The following SPIDR variants were observed in gnomAD, a reference collection of about 807,000 sequenced individuals.
SPIDR encodes the protein scaffold protein involved in DNA repair.
Under a neutral mutation model 104.6 loss-of-function variants are expected in SPIDR, and 93 were observed. The ratio of observed to expected loss-of-function variants is 0.89; its 90% confidence interval spans 0.75 to 1.06. The LOEUF is 1.06. Among genes scored for constraint, SPIDR ranks in the 50% least tolerant of loss-of-function variants. The pLI is 0.00. For missense variants in SPIDR, 1,154 were observed against 1,111.2 expected, an observed-to-expected ratio of 1.04 and a Z score of -0.55; for synonymous variants, 431 against 416.9, an observed-to-expected ratio of 1.03 and a Z score of -0.41.
In SPIDR at chr8:47,466,333, C is replaced by T. The variant is rs149578036; in HGVS notation, c.1097+25791C>T. Among the ~76,000 whole-genome samples the T allele has an allele frequency of 3.4e-3, 520 of 152,282 alleles. 7 individuals are homozygous for T. Among genetic ancestry groups the T allele is most frequent in the African/African-American group, 0.012 (483 of 41,552 alleles). On this transcript the variant is annotated intron_variant, in intron 8 of 19. Transcript: ENST00000297423. ...TCATAACAGCCATTCTGTCAGACCA[C>T]GGCACAATCAAATTAGAAATCAGGG...
At chr8:47,487,702 C>T (rs1586560786) in intron 8 of SPIDR, among the ~76,000 whole-genome samples, 1 of 152,278 alleles carries the variant, frequency 6.6e-6, no homozygotes, top group East Asian at 1.9e-4. Flanking sequence ...TTAAGAAACT[C>T]ACTCAAAACC....
intron 10 of SPIDR, among the ~76,000 whole-genome samples, chr8:47,627,683 C>T (rs1017454412): frequency 1.1e-4 from 16 of 151,972 alleles, no homozygotes; most frequent in African/African-American, 3.1e-4. Context: ...TGTGATTCCT[C>T]CCCCCTCCCT....
At chr8:47,458,328 T>TTATTTTATTA (rs2073353940) in intron 8 of SPIDR, among the ~76,000 whole-genome samples, 1 of 51,200 alleles carries the variant, frequency 2.0e-5, no homozygotes, top group African/African-American at 9.2e-5. Context: ...CCTAAGTATT[T>TTATTTTATTA]TATTTTATTT....
At chr8:47,720,310 G>A (rs2083215726) in intron 16 of SPIDR, among the ~76,000 whole-genome samples, 1 of 152,204 alleles carries the variant, frequency 6.6e-6, no homozygotes, top group Non-Finnish European at 1.5e-5. Context: ...GAAGGTTTTT[G>A]TGTGGGCATA....
At chr8:47,311,552 C>A (rs1345703031) in intron 5 of SPIDR, among the ~76,000 whole-genome samples, 1 of 152,100 alleles carries the variant, frequency 6.6e-6, no homozygotes, top group Non-Finnish European at 1.5e-5. Flanking sequence ...GTTGCAGTGG[C>A]TTATGCCTGT....
chr8:47,286,346 A>G (rs1790111726), intron 3 of SPIDR, among the ~76,000 whole-genome samples: 1 of 152,226 alleles, frequency 6.6e-6, no homozygotes, highest in Non-Finnish European at 1.5e-5. Context: ...AATGACTCAT[A>G]ACATAGAAAC....
chr8:47,348,690 T>G (rs2052738221), intron 5 of SPIDR, among the ~76,000 whole-genome samples: 1 of 152,218 alleles, frequency 6.6e-6, no homozygotes, highest in Non-Finnish European at 1.5e-5. Context: ...CTCTTTTCGC[T>G]TCATTTCATT....
At chr8:47,672,357 G>A (rs2075906696) in intron 10 of SPIDR, among the ~76,000 whole-genome samples, 1 of 152,074 alleles carries the variant, frequency 6.6e-6, no homozygotes, top group Non-Finnish European at 1.5e-5. Flanking sequence ...CCTCTGTCTT[G>A]TTTTACTGAA....
intron 5 of SPIDR, among the ~76,000 whole-genome samples, chr8:47,317,272 A>T (rs1348817093): frequency 1.3e-5 from 2 of 152,104 alleles, no homozygotes; most frequent in African/African-American, 2.4e-5. Flanking sequence ...CGCTTTTCCA[A>T]TGGTCTTAGC....
At chr8:47,709,533 C>T (rs887107779) in intron 14 of SPIDR, among the ~76,000 whole-genome samples, 8 of 152,214 alleles carry the variant, frequency 5.3e-5, no homozygotes, top group Non-Finnish European at 7.3e-5. Context: ...ACCTTGGCCT[C>T]CCAAAGTGCT....
intron 5 of SPIDR, among the ~76,000 whole-genome samples, chr8:47,345,011 G>A (rs1452123271): frequency 2.6e-5 from 4 of 152,064 alleles, no homozygotes; most frequent in African/African-American, 9.7e-5. Flanking sequence ...CATTGCTTTT[G>A]GTGTTTTAGA....
In SPIDR at chr8:47,376,843, A is replaced by G. The variant is rs143857530; in HGVS notation, c.526-19533A>G. Among the ~76,000 whole-genome samples the G allele has an allele frequency of 2.6e-5, 4 of 152,274 alleles. No homozygotes were observed. The East Asian group carries it at 7.7e-4, about 29-fold the overall frequency. On this transcript the variant is annotated intron_variant, in intron 5 of 19. Coordinates refer to ENST00000297423, the MANE Select transcript of SPIDR (RefSeq NM_001080394.4). ...AATTGAGAAACATCATTTTTATTGA[A>G]GTGCATTTGTTCTGGATTGGGGTTG...
At chr8:47,394,427 TG>T (rs1302708094) in intron 5 of SPIDR, among the ~76,000 whole-genome samples, 6 of 152,202 alleles carry the variant, frequency 3.9e-5, no homozygotes, top group Non-Finnish European at 7.3e-5. Flanking sequence ...GGTTATTTGT[TG>T]ACTTATTTCT....
intron 5 of SPIDR, among the ~76,000 whole-genome samples, chr8:47,325,807 G>A (rs1280943777): frequency 6.6e-6 from 1 of 152,090 alleles, no homozygotes; most frequent in Non-Finnish European, 1.5e-5. Flanking sequence ...TCCTCTTTCT[G>A]TTTTCCCCAA....
chr8:47,702,754 G>A (rs183876178), intron 14 of SPIDR, among the ~76,000 whole-genome samples: 419 of 152,304 alleles, frequency 2.8e-3, no homozygotes, highest in Middle Eastern at 0.02. Flanking sequence ...TGTGCACCGG[G>A]TGCATCTGCC....
intron 11 of SPIDR, among the ~76,000 whole-genome samples, chr8:47,696,116 C>G (rs1333659937): frequency 6.6e-6 from 1 of 152,228 alleles, no homozygotes; most frequent in Non-Finnish European, 1.5e-5. Flanking sequence ...TTTCCATGCA[C>G]CTTTCTTGTC....
At chr8:47,565,709 T>C (rs2057703835) in intron 8 of SPIDR, among the ~76,000 whole-genome samples, 1 of 151,400 alleles carries the variant, frequency 6.6e-6, no homozygotes, top group South Asian at 2.1e-4. Context: ...TTTTACTTAA[T>C]ATTTTATTAA....
At chr8:47,384,315 CTT>C (rs2059640933) in intron 5 of SPIDR, among the ~76,000 whole-genome samples, 2 of 152,150 alleles carry the variant, frequency 1.3e-5, no homozygotes, top group Non-Finnish European at 2.9e-5. Flanking sequence ...AAAAGTATAG[CTT>C]TACTGATACT....
chr8:47,377,209 T>C (rs1286980681), intron 5 of SPIDR, among the ~76,000 whole-genome samples: 2 of 152,214 alleles, frequency 1.3e-5, no homozygotes, highest in Non-Finnish European at 2.9e-5. Flanking sequence ...TAGCTATACC[T>C]GATTACCACC....
Sources: gnomAD v4.1 joint callset for allele counts (sites outside exome capture counted in the v4.1 genomes callset) on GRCh38, gnomAD v4.1.1 for gene constraint, MANE v1.5 for transcripts, NCBI Gene and HGNC (gene_info 2026-07-23, HGNC 2026-07-21) for gene names.